CXCL16: variants seen among roughly 807,000 people sequenced by gnomAD.
CXCL16 encodes C-X-C motif chemokine ligand 16.
CXCL16 carries 18 observed loss-of-function variants against 23.8 expected under a neutral mutation model. The observed-to-expected ratio is 0.76, with a 90% CI of 0.52 to 1.12. The LOEUF is 1.12. Ranked by LOEUF, CXCL16 falls within the 50% of genes most tolerant of loss-of-function variation. The pLI, the probability that CXCL16 is intolerant of heterozygous loss-of-function variation, is 0.00. For missense variants in CXCL16, 297 were observed against 315.4 expected, an observed-to-expected ratio of 0.94 and a Z score of 0.44; for synonymous variants, 123 against 132.5, an observed-to-expected ratio of 0.93 and a Z score of 0.49.
intron 3 of CXCL16, among the ~76,000 whole-genome samples, chr17:4,737,061 C>G (rs1468659768): frequency 1.3e-5 from 2 of 151,958 alleles, no homozygotes; most frequent in Non-Finnish European, 2.9e-5. Context: ...AGGTGATCCA[C>G]CGGCCTCAAC....
rs1387947543 is a variant in CXCL16, at chr17:4,739,012, C to T, written c.80-92G>A. 27 of 1,476,044 alleles carry T rather than the reference C, an allele frequency of 1.8e-5. No homozygotes were observed. Among genetic ancestry groups the T allele is most frequent in the Non-Finnish European group, 2.5e-5 (27 of 1,093,112 alleles). The allele number at this position is 1,476,044 out of a possible 1,614,324, so 91.4% of individuals were successfully genotyped here. A position where few individuals can be genotyped will look rare whatever the true frequency, so the allele number is the denominator to read the frequency against. The stretch of plus-strand genomic sequence containing the variant: ...CATCCAATCCACAGCCCCATGACAG[C>T]CTCTCGGTGGACCCAGGGTCAGAGC... On this transcript the variant is annotated intron_variant, in intron 1 of 5. Coordinates refer to ENST00000293778, the MANE Select transcript of CXCL16 (RefSeq NM_001386809.1). The surrounding 1 kb of genome is among the most constrained non-coding windows in gnomAD (Gnocchi z 5.3).
At chr17:4,735,042 G>A (rs370400102) in intron 4 of CXCL16, 50 bp downstream of exon 4, 241 of 1,538,746 alleles carry the variant, frequency 1.6e-4, no homozygotes, top group Middle Eastern at 4.1e-4. Flanking sequence ...CAGGATGCCT[G>A]TCAGGAAGGC....
At chr17:4,734,845 C>T (rs1040040930) in intron 4 of CXCL16, among the ~76,000 whole-genome samples, 193 bp from the exon 5 acceptor site, 1 of 152,230 alleles carries the variant, frequency 6.6e-6, no homozygotes, top group Non-Finnish European at 1.5e-5. Context: ...CACTAGCTTG[C>T]TCTAGCCATC....
intron 5 of CXCL16, 43 bp downstream of exon 5, chr17:4,734,540 G>T: frequency 7.5e-7 from 1 of 1,330,722 alleles, no homozygotes; most frequent in Non-Finnish European, 1.1e-6. Context: ...TCAGGGGTCA[G>T]TCTCCTTTAT....
Position 4,739,194 on chromosome 17 carries a change from C to A in CXCL16, c.79+67G>T. 6.5e-7 allele frequency: 1 copy of A among 1,533,240 alleles called. No individual in the cohort carries two copies. Among genetic ancestry groups the A allele is most frequent in the Non-Finnish European group, 8.8e-7 (1 of 1,132,254 alleles). 95.0% of individuals were successfully genotyped at this position (1,533,240 alleles called of 1,614,324 possible). On this transcript the variant is annotated intron_variant, in intron 1 of 5. Coordinates refer to ENST00000293778, the MANE Select transcript of CXCL16 (RefSeq NM_001386809.1). The surrounding 1 kb of genome is among the most constrained non-coding windows in gnomAD (Gnocchi z 5.3). ...CCACTCAACTCCGTGGGCCTCGTGT[C>A]CCCTCCCCAACTCACCCCCTTCCCG...
rs758001069 is a variant in CXCL16 at position 4,738,772 on chromosome 17, G to A, written c.218+10C>T. The A allele has an allele frequency of 6.2e-7, 1 of 1,613,346 alleles. No homozygotes were observed. The highest frequency in any genetic ancestry group is 8.5e-7 in the Non-Finnish European group (1 of 1,179,568). On this transcript the variant is annotated intron_variant, in intron 2 of 5. Transcript: ENST00000293778. This position sits in a 1 kb window ranked among gnomAD's most constrained non-coding sequence, Gnocchi z 4.0. ...CCAGGCGCTGCCCTCGCAGAGGCAG[G>A]TAAAATTACCTCGTGTAGTATAGAC...
Position 4,735,224 on chromosome 17 carries a change from C to T in CXCL16, c.586G>A (p.Ala196Thr). The T allele has an allele frequency of 6.2e-7, 1 of 1,614,156 alleles. No homozygotes were observed. Among genetic ancestry groups the T allele is most frequent in the Non-Finnish European group, 8.5e-7 (1 of 1,180,002 alleles). Residue 196 changes from alanine to threonine, a missense_variant, in exon 4 of 6, where the codon GCT becomes ACT. By Grantham distance (58) the Ala-to-Thr change is moderately conservative (BLOSUM62 0). Transcript: ENST00000293778. Reference sequence around the variant, plus strand: ...GCTGATGTCCTGGCTGTGGGACCAGCATTTTTTTCCGGCTGCTTCTGGTTC... The same window carrying T: ...GCTGATGTCCTGGCTGTGGGACCAGTATTTTTTTCCGGCTGCTTCTGGTTC... Reference protein sequence around the residue: ...GENQKQPEKNAGPTARTSATV... With the variant: ...GENQKQPEKNTGPTARTSATV...
chr17:4,736,841 C>T (rs1916167899), intron 3 of CXCL16, among the ~76,000 whole-genome samples: 1 of 152,048 alleles, frequency 6.6e-6, no homozygotes, highest in African/African-American at 2.4e-5. Flanking sequence ...TTTAAGTTTT[C>T]TTTCTTTTTT....
chr17:4,739,783 C>G lies in CXCL16; in HGVS notation c.-444G>C, dbSNP rs894904388. 1 of 1,029,956 alleles carries G rather than the reference C, an allele frequency of 9.7e-7. No individual in the cohort carries two copies. Among genetic ancestry groups the G allele is most frequent in the Non-Finnish European group, 1.2e-6 (1 of 857,558 alleles). 63.8% of individuals were successfully genotyped at this position (1,029,956 alleles called of 1,614,324 possible). A position where few individuals can be genotyped will look rare whatever the true frequency, so the allele number is the denominator to read the frequency against. On this transcript the variant is annotated 5_prime_UTR_variant, in exon 1 of 6. Transcript: ENST00000293778. The surrounding 1 kb of genome is among the most constrained non-coding windows in gnomAD (Gnocchi z 5.3). Reference sequence around the variant, plus strand: ...AGGCGGCTGCACTGCCGGACCGGCCCTCCTCCTCCGAGGCACTTTCACTTC... The same window carrying G: ...AGGCGGCTGCACTGCCGGACCGGCCGTCCTCCTCCGAGGCACTTTCACTTC...
At position 4,734,486 on chromosome 17, in the gene CXCL16, A is replaced by C. The variant is rs1040069263; in HGVS notation, c.*24-7T>G. The C allele has an allele frequency of 2.5e-6, 2 of 787,092 alleles. No homozygotes were observed. Among genetic ancestry groups the C allele is most frequent in the African/African-American group, 3.5e-5 (2 of 57,846 alleles). The allele number at this position is 787,092 out of a possible 1,614,324, so 48.8% of individuals were successfully genotyped here. On this transcript the variant is annotated splice_polypyrimidine_tract_variant and splice_region_variant and intron_variant, in intron 5 of 5. Coordinates refer to ENST00000293778, the MANE Select transcript of CXCL16 (RefSeq NM_001386809.1). ...GGCAACATAGAGTCCGTCTCTAAAA[A>C]ACAAAAAACAAAAACAAGTATGTAT...
At position 4,735,241 on chromosome 17, in the gene CXCL16, T is replaced by C. The variant is rs751525893; in HGVS notation, c.569A>G (p.Lys190Arg). The C allele has an allele frequency of 2.0e-5, 33 of 1,614,022 alleles. No individual in the cohort carries two copies. Among genetic ancestry groups the C allele is most frequent in the Non-Finnish European group, 2.5e-5 (29 of 1,180,014 alleles). ...GGGACCAGCATTTTTTTCCGGCTGC[T>C]TCTGGTTCTCCCCAGCCTCAGGCCC... ...AAGPEAGENQ[K>R]QPEKNAGPTA... The change falls in exon 4 of 6, where the codon AAG (lysine) becomes AGG (arginine). Residue 190 changes from lysine (K) to arginine (R), a missense_variant. Coordinates refer to ENST00000293778, the MANE Select transcript of CXCL16 (RefSeq NM_001386809.1).
rs755111757 is a variant in CXCL16, at chr17:4,735,166, A to T, written c.644T>A (p.Ile215Asn). 6.2e-7 allele frequency: 1 copy of T among 1,614,150 alleles called. No individual in the cohort carries two copies. Among genetic ancestry groups the T allele is most frequent in the African/African-American group, 1.3e-5 (1 of 75,038 alleles). Residue 215 changes from isoleucine to asparagine, a missense_variant, in exon 4 of 6, where the codon ATC becomes AAC. By Grantham distance (149) the Ile-to-Asn change is moderately radical (BLOSUM62 -3). Coordinates refer to ENST00000293778, the MANE Select transcript of CXCL16 (RefSeq NM_001386809.1). ...TVPVLCLLAI[I>N]FILTAALSYV... ...GGAAAGGGCTGCGGTGAGGATGAAGATGATGGCCAGGAGGCACAGGACTGG... is the reference window on the plus strand; with the variant it reads ...GGAAAGGGCTGCGGTGAGGATGAAGTTGATGGCCAGGAGGCACAGGACTGG...
chr17:4,735,577 G>A, intron 3 of CXCL16, 69 bp from the exon 4 acceptor site: 1 of 1,302,712 alleles, frequency 7.7e-7, no homozygotes, highest in South Asian at 1.8e-5. Flanking sequence ...AGAGGTGTAG[G>A]GGAGAAAAAG....
In CXCL16 at chr17:4,738,952, C is replaced by A; in HGVS notation, c.80-32G>T. On this transcript the variant is annotated intron_variant, in intron 1 of 5. Transcript: ENST00000293778. This position sits in a 1 kb window ranked among gnomAD's most constrained non-coding sequence, Gnocchi z 4.0. Reference sequence around the variant, plus strand: ...GGGACGGAGGTGGTCGGCACCCATTCCCAGGCCCAGGGTCCCCACTCCGCT... The same window carrying A: ...GGGACGGAGGTGGTCGGCACCCATTACCAGGCCCAGGGTCCCCACTCCGCT... 1.2e-6 allele frequency: 2 copies of A among 1,608,044 alleles called. No individual in the cohort carries two copies. Among genetic ancestry groups the A allele is most frequent in the Non-Finnish European group, 1.7e-6 (2 of 1,176,818 alleles).
At chr17:4,737,597 A>G (rs1031029129) in intron 3 of CXCL16, among the ~76,000 whole-genome samples, 1 of 147,812 alleles carries the variant, frequency 6.8e-6, no homozygotes, top group Non-Finnish European at 1.5e-5. Flanking sequence ...AAAAAAAAAA[A>G]AAGAAATGCA....
chr17:4,738,542 C>T lies in CXCL16; in HGVS notation c.219-52G>A. On this transcript the variant is annotated intron_variant, in intron 2 of 5. Coordinates refer to ENST00000293778, the MANE Select transcript of CXCL16 (RefSeq NM_001386809.1). The surrounding 1 kb of genome is among the most constrained non-coding windows in gnomAD (Gnocchi z 4.0). The stretch of plus-strand genomic sequence containing the variant: ...TGCGGCGCCTTCTTTCCTTCCCCGG[C>T]TCCTTCCTCATTCCAGAGGCGTGAA... 7.0e-7 allele frequency: 1 copy of T among 1,429,860 alleles called. No homozygotes were observed. The allele number at this position is 1,429,860 out of a possible 1,614,324, so 88.6% of individuals were successfully genotyped here.
chr17:4,739,526 A>C lies in CXCL16; in HGVS notation c.-187T>G. 1 of 837,610 alleles carries C rather than the reference A, an allele frequency of 1.2e-6. No homozygotes were observed. The highest frequency in any genetic ancestry group is 1.8e-6 in the Non-Finnish European group (1 of 555,002). 51.9% of individuals were successfully genotyped at this position (837,610 alleles called of 1,614,324 possible). On this transcript the variant is annotated 5_prime_UTR_variant, in exon 1 of 6. Transcript: ENST00000293778. The surrounding 1 kb of genome is among the most constrained non-coding windows in gnomAD (Gnocchi z 5.3). ...GCTGTGCCCCGACCGTGCGCTCAGT[A>C]CTCGGCCCGCGCCATGCCAGCCTCT...
At position 4,739,439 on chromosome 17, in the gene CXCL16, C is replaced by T. The variant is rs751801027; in HGVS notation, c.-100G>A. On this transcript the variant is annotated 5_prime_UTR_variant, in exon 1 of 6. Coordinates refer to ENST00000293778, the MANE Select transcript of CXCL16 (RefSeq NM_001386809.1). This position sits in a 1 kb window ranked among gnomAD's most constrained non-coding sequence, Gnocchi z 5.3. ...CCAGCTGGTGTCTCAATGGCTTTCG[C>T]CGGGGACCGGAGGAGACGGCGGCCG... is the stretch of plus-strand genomic sequence containing the variant. 7.6e-6 allele frequency: 12 copies of T among 1,578,994 alleles called. No individual in the cohort carries two copies. The South Asian group carries it at 8.9e-5, about 12-fold the overall frequency.
chr17:4,734,644 C>G lies in CXCL16; in HGVS notation c.727G>C (p.Val243Leu). The change falls in exon 5 of 6, where the codon GTT becomes CTT. Residue 243 changes from valine to leucine, a missense_variant. Coordinates refer to ENST00000293778, the MANE Select transcript of CXCL16 (RefSeq NM_001386809.1). ...QSPQSSPDLP[V>L]HYIPVAPDSN... The stretch of plus-strand genomic sequence containing the variant: ...TCAGGTGCCACAGGTATATAATGAA[C>G]CGGCAGATCTGGAAAGGATAAAGAA... 6.2e-7 allele frequency: 1 copy of G among 1,611,584 alleles called. No individual in the cohort carries two copies. Among genetic ancestry groups the G allele is most frequent in the South Asian group, 1.1e-5 (1 of 91,030 alleles).
Sources: gnomAD v4.1 joint callset for allele counts (sites outside exome capture counted in the v4.1 genomes callset) on GRCh38, gnomAD v4.1.1 for gene constraint, Gnocchi (gnomAD v3.1) non-coding constraint, MANE v1.5 for transcripts, NCBI Gene and HGNC (gene_info 2026-07-23, HGNC 2026-07-21) for gene names.